PEBP4: variants seen among roughly 807,000 people sequenced by gnomAD.
PEBP4 encodes the protein phosphatidylethanolamine-binding protein 4.
In PEBP4, 22 loss-of-function variants were observed where a neutral mutation model predicts 23.9. The observed-to-expected ratio is 0.92, with a 90% CI of 0.66 to 1.31. The LOEUF is 1.31. Among genes scored for constraint, PEBP4 ranks in the 40% most tolerant of loss-of-function variants. The probability of loss-of-function intolerance (pLI) is 0.00; values close to 1 mark genes in which losing one functional copy is unlikely to be tolerated. For missense variants in PEBP4, 324 were observed against 281.7 expected, an observed-to-expected ratio of 1.15 and a Z score of -1.07; for synonymous variants, 112 against 99.3, an observed-to-expected ratio of 1.13 and a Z score of -0.76.
Position 22,800,320 on chromosome 8 carries a change from T to C in PEBP4, c.357+17317A>G, listed in dbSNP as rs138390970. ...AATAGTATTAAGAGTTGGGACACCT[T>C]GATTCCGGTCCACACTCTGCACTGA... is the stretch of plus-strand genomic sequence containing the variant. On this transcript the variant is annotated intron_variant, in intron 4 of 6. Coordinates refer to ENST00000256404, the MANE Select transcript of PEBP4 (RefSeq NM_144962.3). 1.8e-3 allele frequency among the ~76,000 whole-genome samples: 269 copies of C among 152,152 alleles called. 1 individual carries two copies. The highest frequency in any genetic ancestry group is 6.1e-3 in the African/African-American group (254 of 41,510).
chr8:22,866,755 CTTCT>C (rs1030867956), intron 3 of PEBP4, among the ~76,000 whole-genome samples: 7 of 151,532 alleles, frequency 4.6e-5, no homozygotes, highest in African/African-American at 1.7e-4. Context: ...TTTTTGTTTT[CTTCT>C]TTTTTTTTTA....
At chr8:22,778,518 G>T (rs1388305757) in intron 4 of PEBP4, among the ~76,000 whole-genome samples, 2 of 151,758 alleles carry the variant, frequency 1.3e-5, no homozygotes, top group East Asian at 3.9e-4. Context: ...GGGCCTTCTT[G>T]GGCCCTCACC....
intron 4 of PEBP4, among the ~76,000 whole-genome samples, chr8:22,734,378 A>G (rs1804806896): frequency 6.6e-6 from 1 of 152,186 alleles, no homozygotes; most frequent in Non-Finnish European, 1.5e-5. Flanking sequence ...GAAGTGGAAG[A>G]AGGAGGCGCA....
chr8:22,728,540 C>CT (rs1444099109), intron 4 of PEBP4, among the ~76,000 whole-genome samples: 35 of 108,636 alleles, frequency 3.2e-4, no homozygotes, highest in African/African-American at 8.1e-4. Flanking sequence ...TTCTTTCTTC[C>CT]TTCCTTTCTT....
chr8:22,858,746 A>G (rs1807707403), intron 3 of PEBP4, among the ~76,000 whole-genome samples: 1 of 152,332 alleles, frequency 6.6e-6, no homozygotes, highest in East Asian at 1.9e-4. Context: ...CAGGAGTTCG[A>G]AACCAGCCTA....
At position 22,853,744 on chromosome 8, in the gene PEBP4, T is replaced by C. The variant is rs1007319913; in HGVS notation, c.259-36009A>G. Among the ~76,000 whole-genome samples, 38 of 152,266 alleles carry C rather than the reference T, an allele frequency of 2.5e-4. 1 individual carries two copies. Among genetic ancestry groups the C allele is most frequent in the African/African-American group, 9.1e-4 (38 of 41,566 alleles). ...CTCCTGGAAGTCCAGCACTCCCTCT[T>C]TGGGCCTAATAAATGACAGCCTGAG... is the stretch of plus-strand genomic sequence containing the variant. On this transcript the variant is annotated intron_variant, in intron 3 of 6. Coordinates refer to ENST00000256404, the MANE Select transcript of PEBP4 (RefSeq NM_144962.3).
chr8:22,728,547 TCTTTCTTTCTTTCTTC>T (rs6150500), intron 4 of PEBP4, among the ~76,000 whole-genome samples: 13,419 of 107,650 alleles, frequency 0.12, 909 homozygotes, highest in Middle Eastern at 0.17. Context: ...TTCCTTCCTT[TCTTTCTTTCTTTCTTC>T]CTTCCTTCCT....
At chr8:22,825,001 G>T (rs959713282) in intron 3 of PEBP4, among the ~76,000 whole-genome samples, 3 of 152,172 alleles carry the variant, frequency 2.0e-5, no homozygotes, top group Non-Finnish European at 4.4e-5. Flanking sequence ...ATATCCTGAG[G>T]TTTACCCTAG....
intron 4 of PEBP4, among the ~76,000 whole-genome samples, chr8:22,806,472 A>C (rs1244318001): frequency 6.6e-6 from 1 of 151,972 alleles, no homozygotes; most frequent in African/African-American, 2.4e-5. Context: ...AAAATTAGCC[A>C]GGTGTGGTGG....
chr8:22,867,664 T>C (rs1028425707), intron 3 of PEBP4, among the ~76,000 whole-genome samples: 2 of 152,000 alleles, frequency 1.3e-5, no homozygotes, highest in African/African-American at 4.8e-5. Context: ...ACCCCAAGAG[T>C]TGCAGCATTC....
At chr8:22,833,400 C>T (rs368973053) in intron 3 of PEBP4, among the ~76,000 whole-genome samples, 7 of 152,132 alleles carry the variant, frequency 4.6e-5, no homozygotes, top group South Asian at 2.1e-4. Context: ...GGCGCGATCT[C>T]GGCTTACTGC....
At chr8:22,744,576 T>C (rs1260371826) in intron 4 of PEBP4, 8 of 152,286 alleles carry the variant, frequency 5.3e-5, no homozygotes. Flanking sequence ...CCCCTTTTCA[T>C]GTCCTCTCTT....
chr8:22,934,322 C>T (rs1437131757), intron 1 of PEBP4, among the ~76,000 whole-genome samples: 3 of 152,132 alleles, frequency 2.0e-5, no homozygotes, highest in Non-Finnish European at 1.5e-5. Context: ...GGGCACGGAG[C>T]TGTATAAGTA....
At chr8:22,882,973 C>T (rs1474193297) in intron 3 of PEBP4, among the ~76,000 whole-genome samples, 1 of 152,198 alleles carries the variant, frequency 6.6e-6, no homozygotes, top group Non-Finnish European at 1.5e-5. Flanking sequence ...TCCCTAGTTC[C>T]CTCTGCCTCC....
Position 22,807,872 on chromosome 8 carries a change from T to TATCCATCC in PEBP4, c.357+9757_357+9764dup, listed in dbSNP as rs113479008. On this transcript the variant is annotated intron_variant, in intron 4 of 6. Transcript: ENST00000256404. ...TCCACCCACCCACCTACCCAACCTC[T>TATCCATCC]ATCCATCCATCCATCCATCCATCCA... is the stretch of plus-strand genomic sequence containing the variant. Among the ~76,000 whole-genome samples, 7 of 147,080 alleles carry TATCCATCC rather than the reference T, an allele frequency of 4.8e-5. No individual in the cohort carries two copies. In the South Asian group the frequency reaches 1.1e-3, roughly 23 times the overall value.
intron 4 of PEBP4, among the ~76,000 whole-genome samples, chr8:22,743,891 C>G (rs946841653): frequency 7.9e-5 from 12 of 152,188 alleles, no homozygotes; most frequent in African/African-American, 2.9e-4. Flanking sequence ...GCTGAATCAC[C>G]AGTAACACCT....
intron 3 of PEBP4, chr8:22,884,304 T>C (rs901810262): frequency 1.3e-5 from 2 of 152,194 alleles, no homozygotes; most frequent in African/African-American, 4.8e-5. Flanking sequence ...CCCAAATCTA[T>C]GAGATAGACT....
chr8:22,869,832 T>C (rs757765919), intron 3 of PEBP4, among the ~76,000 whole-genome samples: 12 of 152,126 alleles, frequency 7.9e-5, no homozygotes, highest in African/African-American at 1.4e-4. Flanking sequence ...CACTAGTGAA[T>C]TGCAAATTAA....
chr8:22,905,371 G>A (rs954070287), intron 3 of PEBP4, among the ~76,000 whole-genome samples: 4 of 151,136 alleles, frequency 2.6e-5, no homozygotes, highest in African/African-American at 7.3e-5. Flanking sequence ...GCATATTTGT[G>A]GCACATATGT....
Sources: gnomAD v4.1 joint callset for allele counts (sites outside exome capture counted in the v4.1 genomes callset) on GRCh38, gnomAD v4.1.1 for gene constraint, MANE v1.5 for transcripts, NCBI Gene and HGNC (gene_info 2026-07-23, HGNC 2026-07-21) for gene names.